The following PPP1R12B variants were observed in gnomAD, a reference collection of about 807,000 sequenced individuals.
PPP1R12B encodes the protein protein phosphatase 1 regulatory subunit 12B.
A neutral mutation model predicts 126.1 loss-of-function variants in PPP1R12B; 76 were observed. The observed-to-expected ratio is 0.60, with a 90% CI of 0.50 to 0.73. The LOEUF is 0.73. PPP1R12B is among the 30% of genes least tolerant of loss of function. The pLI is 0.00. For synonymous variants in PPP1R12B, 356 were observed against 434.7 expected, an observed-to-expected ratio of 0.82 and a Z score of 2.25; for missense variants, 1,052 against 1,205.1, an observed-to-expected ratio of 0.87 and a Z score of 1.88.
intron 10 of PPP1R12B, chr1:202,440,095 A>G (rs1348393891): frequency 1.3e-5 from 2 of 153,490 alleles, no homozygotes; most frequent in African/African-American, 4.8e-5. Flanking sequence ...CTTCACACAT[A>G]GTTTGTGTAT....
intron 18 of PPP1R12B, among the ~76,000 whole-genome samples, chr1:202,552,037 A>T (rs1404091812): frequency 6.6e-6 from 1 of 152,250 alleles, no homozygotes; most frequent in Admixed American, 6.5e-5. Context: ...AGAACTGTGC[A>T]GACTTCTGAC....
rs148615699 is a variant in PPP1R12B, at chr1:202,396,752, A to G, written c.292-20035A>G. 7.1e-3 allele frequency among the ~76,000 whole-genome samples: 1,078 copies of G among 152,264 alleles called. 12 individuals carry two copies. Among genetic ancestry groups the G allele is most frequent in the African/African-American group, 0.025 (1,029 of 41,546 alleles). ...CTCAGCCTCCCAAGTAGCTGGGACT[A>G]TAGGTGCGTGCCATCATGCGTGGCT... On this transcript the variant is annotated intron_variant, in intron 1 of 23. Coordinates refer to ENST00000608999, the MANE Select transcript of PPP1R12B (RefSeq NM_002481.4).
intron 18 of PPP1R12B, among the ~76,000 whole-genome samples, chr1:202,528,715 G>T (rs1683607885): frequency 6.6e-6 from 1 of 151,906 alleles, no homozygotes; most frequent in Admixed American, 6.6e-5. Context: ...ATTATGTAGG[G>T]ACTGAAAGGT....
At position 202,382,689 on chromosome 1, in the gene PPP1R12B, C is replaced by A. The variant is rs573724204; in HGVS notation, c.291+33547C>A. On this transcript the variant is annotated intron_variant, in intron 1 of 23. Coordinates refer to ENST00000608999, the MANE Select transcript of PPP1R12B (RefSeq NM_002481.4). Reference sequence around the variant, plus strand: ...GCCAGGAGTTCAAGACCAGCCTGGGCAACATGGCAAAACCCTGTCTCTACT... The same window carrying A: ...GCCAGGAGTTCAAGACCAGCCTGGGAAACATGGCAAAACCCTGTCTCTACT... Among the ~76,000 whole-genome samples, 14 of 151,688 alleles carry A rather than the reference C, an allele frequency of 9.2e-5. No individual in the cohort carries two copies. In the East Asian group the frequency reaches 2.5e-3, roughly 27 times the overall value.
At chr1:202,464,119 C>A (rs1340155790) in intron 13 of PPP1R12B, among the ~76,000 whole-genome samples, 2 of 152,120 alleles carry the variant, frequency 1.3e-5, no homozygotes, top group Non-Finnish European at 2.9e-5. Flanking sequence ...CACCTGAGCC[C>A]CAGGCTAAAA....
chr1:202,366,968 A>G (rs959109427), intron 1 of PPP1R12B, among the ~76,000 whole-genome samples: 1 of 152,224 alleles, frequency 6.6e-6, no homozygotes, highest in Non-Finnish European at 1.5e-5. Context: ...GTGGTTCCAT[A>G]TAGTGAAGTC....
chr1:202,354,817 G>GTTT (rs199774664), intron 1 of PPP1R12B, among the ~76,000 whole-genome samples: 3 of 131,808 alleles, frequency 2.3e-5, no homozygotes, highest in Non-Finnish European at 4.9e-5. Flanking sequence ...CTGGCTAATT[G>GTTT]TTTTTTTTGT....
chr1:202,429,520 C>G (rs1241931872), intron 6 of PPP1R12B, among the ~76,000 whole-genome samples: 1 of 152,104 alleles, frequency 6.6e-6, no homozygotes, highest in Non-Finnish European at 1.5e-5. Context: ...ATGTCTTTGG[C>G]TTAATTAGTG....
At chr1:202,564,388 G>C (rs12133781) in intron 20 of PPP1R12B, 55 bp from the exon 21 acceptor site, 192,080 of 1,324,890 alleles carry the variant, frequency 0.14, 15,040 homozygotes, top group Middle Eastern at 0.22. Context: ...CTCATGTGAT[G>C]AAATGGTGTG....
intron 21 of PPP1R12B, among the ~76,000 whole-genome samples, chr1:202,566,653 T>TA (rs1688077899): frequency 1.3e-5 from 2 of 152,160 alleles, no homozygotes; most frequent in Admixed American, 1.3e-4. Context: ...TAACAAGCTG[T>TA]AGGATCTATT....
intron 1 of PPP1R12B, among the ~76,000 whole-genome samples, chr1:202,408,916 G>A (rs1263775467): frequency 6.7e-6 from 1 of 148,298 alleles, no homozygotes. Context: ...CTGCTCACTG[G>A]AACCTCCACC....
intron 18 of PPP1R12B, among the ~76,000 whole-genome samples, chr1:202,531,772 G>A (rs1440928975): frequency 1.3e-5 from 2 of 152,130 alleles, no homozygotes; most frequent in African/African-American, 2.4e-5. Flanking sequence ...ATTTGAGGAC[G>A]AGGCAGAGAC....
intron 13 of PPP1R12B, among the ~76,000 whole-genome samples, chr1:202,484,878 CAACT>C (rs1195202514): frequency 6.6e-6 from 1 of 152,078 alleles, no homozygotes; most frequent in Non-Finnish European, 1.5e-5. Flanking sequence ...GCTGCTTGAC[CAACT>C]ATCAGGCCAA....
At chr1:202,461,001 G>A (rs528129777) in intron 13 of PPP1R12B, among the ~76,000 whole-genome samples, 1 of 152,098 alleles carries the variant, frequency 6.6e-6, no homozygotes, top group African/African-American at 2.4e-5. Flanking sequence ...GAGAGATGAG[G>A]CTACCCCTAG....
intron 18 of PPP1R12B, among the ~76,000 whole-genome samples, chr1:202,548,404 A>G (rs1313227976): frequency 1.3e-5 from 2 of 152,146 alleles, no homozygotes; most frequent in African/African-American, 2.4e-5. Flanking sequence ...TCTGTCACCC[A>G]GGCTGGAGTG....
chr1:202,525,555 T>C (rs1388573189), intron 18 of PPP1R12B, among the ~76,000 whole-genome samples: 1 of 151,796 alleles, frequency 6.6e-6, no homozygotes, highest in Non-Finnish European at 1.5e-5. Context: ...GAAGTAATTT[T>C]AAGCCACATT....
At chr1:202,364,660 T>C (rs1379838396) in intron 1 of PPP1R12B, among the ~76,000 whole-genome samples, 1 of 152,128 alleles carries the variant, frequency 6.6e-6, no homozygotes, top group Non-Finnish European at 1.5e-5. Context: ...CACTGCAAGC[T>C]CCGCCTCCTG....
In PPP1R12B at chr1:202,586,567, A is replaced by AAAT. The variant is rs1473132501; in HGVS notation, c.*6009_*6011dup. 7.9e-5 allele frequency: 12 copies of AAAT among 152,232 alleles called. No homozygotes were observed. The South Asian group carries it at 1.2e-3, about 16-fold the overall frequency. The allele number at this position is 152,232 out of a possible 1,614,324, so 9.4% of individuals were successfully genotyped here. A position where few individuals can be genotyped will look rare whatever the true frequency, so the allele number is the denominator to read the frequency against. ...TCTTTTGTGTTCTGATTAGATTGGA[A>AAAT]AATAGATCAACTTCATTGTAGTCCA... is the stretch of plus-strand genomic sequence containing the variant. On this transcript the variant is annotated 3_prime_UTR_variant, in exon 24 of 24. Transcript: ENST00000608999.
At chr1:202,536,010 T>G (rs2148950938) in intron 18 of PPP1R12B, among the ~76,000 whole-genome samples, 1 of 152,342 alleles carries the variant, frequency 6.6e-6, no homozygotes, top group Admixed American at 6.5e-5. Context: ...GTAGATCTTT[T>G]CAGATCTGTT....
Sources: gnomAD v4.1 joint callset for allele counts (sites outside exome capture counted in the v4.1 genomes callset) on GRCh38, gnomAD v4.1.1 for gene constraint, MANE v1.5 for transcripts, NCBI Gene and HGNC (gene_info 2026-07-23, HGNC 2026-07-21) for gene names.